The following SGO2 variants were observed in gnomAD, a reference collection of about 807,000 sequenced individuals.
SGO2 encodes shugoshin 2.
A neutral mutation model predicts 99.5 loss-of-function variants in SGO2; 68 were observed. The observed-to-expected ratio is 0.68, with a 90% CI of 0.56 to 0.84. The LOEUF (loss-of-function observed/expected upper bound fraction) is 0.84, where lower values mean the gene tolerates loss of function less well. Ranked by LOEUF, SGO2 falls within the 40% of genes least tolerant of loss-of-function variation. SGO2 has a pLI of 0.00. For synonymous variants in SGO2, 457 were observed against 487.1 expected (o/e 0.94, Z 0.81); for missense variants, 1,350 against 1,436.7 (o/e 0.94, Z 0.97).
chr2:200,526,837 T>C lies in SGO2; in HGVS notation c.-3+585T>C, dbSNP rs553477493. Among the ~76,000 whole-genome samples the C allele has an allele frequency of 1.1e-4, 16 of 152,256 alleles. No individual in the cohort carries two copies. In the South Asian group the frequency reaches 2.9e-3, roughly 28 times the overall value. ...GAACTGAGTATTTCGTATTTAGAGA[T>C]AGTCGAGATGCTGGCCGGACAAGTG... On this transcript the variant is annotated intron_variant, in intron 1 of 8. Coordinates refer to ENST00000357799, the MANE Select transcript of SGO2 (RefSeq NM_152524.6). This position sits in a 1 kb window ranked among gnomAD's most constrained non-coding sequence, Gnocchi z 4.8.
At chr2:200,546,378 AAAG>A (rs2032217312) in intron 5 of SGO2, among the ~76,000 whole-genome samples, 2 of 150,548 alleles carry the variant, frequency 1.3e-5, no homozygotes, top group Admixed American at 1.3e-4. Flanking sequence ...AAAAAAAAAA[AAAG>A]ATTTGCTAGG....
intron 5 of SGO2, among the ~76,000 whole-genome samples, chr2:200,559,387 C>T (rs1418539017): frequency 6.6e-6 from 1 of 151,866 alleles, no homozygotes; most frequent in Non-Finnish European, 1.5e-5. Flanking sequence ...TCATTTGGAG[C>T]TATGTTGTTG....
intron 5 of SGO2, among the ~76,000 whole-genome samples, chr2:200,557,172 G>A (rs1000807133): frequency 6.6e-6 from 1 of 152,152 alleles, no homozygotes; most frequent in East Asian, 1.9e-4. Flanking sequence ...AAATTTGTTC[G>A]TAGCCAAGAG....
chr2:200,563,709 G>C (rs531616399), intron 5 of SGO2, among the ~76,000 whole-genome samples: 18 of 152,076 alleles, frequency 1.2e-4, no homozygotes, highest in Non-Finnish European at 2.1e-4. Context: ...TGGTTGGTAG[G>C]CTATTAATTA....
chr2:200,546,256 G>C (rs1300473477), intron 5 of SGO2, among the ~76,000 whole-genome samples: 2 of 150,814 alleles, frequency 1.3e-5, no homozygotes, highest in African/African-American at 2.4e-5. Context: ...AGGAGGCTGA[G>C]GCAGGAGAAT....
chr2:200,557,347 T>C (rs1461804308), intron 5 of SGO2, among the ~76,000 whole-genome samples: 3 of 152,120 alleles, frequency 2.0e-5, no homozygotes, highest in Admixed American at 1.3e-4. Context: ...AAGTTGGGCC[T>C]CTAACCCAAT....
At chr2:200,535,239 G>A in intron 3 of SGO2, 68 bp downstream of exon 3, 1 of 1,314,480 alleles carries the variant, frequency 7.6e-7, no homozygotes, top group Non-Finnish European at 1.0e-6. Context: ...TATTATAGAA[G>A]CTTTAAAAAT....
At chr2:200,528,552 T>C (rs1574827450) in intron 1 of SGO2, among the ~76,000 whole-genome samples, 1 of 151,484 alleles carries the variant, frequency 6.6e-6, no homozygotes, top group East Asian at 1.9e-4. Flanking sequence ...GTGGGGGGAG[T>C]TTAGGACATG....
Position 200,569,761 on chromosome 2 carries a change from C to T in SGO2, c.572C>T (p.Ser191Leu). 1 of 1,612,834 alleles carries T rather than the reference C, an allele frequency of 6.2e-7. No homozygotes were observed. Among genetic ancestry groups the T allele is most frequent in the African/African-American group, 1.3e-5 (1 of 74,990 alleles). The change falls in exon 6 of 9, where the codon TCA (serine) becomes TTA (leucine). Residue 191 changes from serine (S) to leucine (L), a missense_variant. Coordinates refer to ENST00000357799, the MANE Select transcript of SGO2 (RefSeq NM_152524.6). ...AAGACATTACCTGATATTCCCTCTTCAGGATCAACAACACAACCTTTATCA... is the reference window on the plus strand; with the variant it reads ...AAGACATTACCTGATATTCCCTCTTTAGGATCAACAACACAACCTTTATCA... ...KSKTLPDIPS[S>L]GSTTQPLSTQ...
Position 200,572,145 on chromosome 2 carries a change from A to C in SGO2, c.1799A>C (p.Gln600Pro). ...LDLKKYVTDIQPSEQNESNIN... is the reference protein window; with the variant it reads ...LDLKKYVTDIPPSEQNESNIN... ...TTGAAAAAGTATGTCACTGATATTC[A>C]ACCCTCAGAGCAAAATGAATCAAAC... The change falls in exon 7 of 9, where the codon CAA (glutamine) becomes CCA (proline). Residue 600 changes from glutamine to proline, a missense_variant. By Grantham distance (76) the Gln-to-Pro change is moderately conservative. Coordinates refer to ENST00000357799, the MANE Select transcript of SGO2 (RefSeq NM_152524.6). The C allele has an allele frequency of 1.2e-6, 2 of 1,612,724 alleles. No homozygotes were observed. Among genetic ancestry groups the C allele is most frequent in the Non-Finnish European group, 1.7e-6 (2 of 1,179,422 alleles).
rs747104430 is a variant in SGO2, at chr2:200,575,388, G to A, written c.3709G>A (p.Asp1237Asn). 1.2e-6 allele frequency: 2 copies of A among 1,607,090 alleles called. No individual in the cohort carries two copies. The highest frequency in any genetic ancestry group is 2.2e-5 in the South Asian group (2 of 90,080). ...TGCTGAATCTGAAAATAAGTCAGAA[G>A]ATCTATCTTCAGAACGGACAAGCAG... ...NTAESENKSE[D>N]LSSERTSRRR... Residue 1237 changes from aspartate to asparagine, a missense_variant, in exon 8 of 9, where the codon GAT becomes AAT. Transcript: ENST00000357799.
intron 5 of SGO2, among the ~76,000 whole-genome samples, chr2:200,568,312 A>G (rs906060067): frequency 2.6e-5 from 4 of 152,024 alleles, no homozygotes; most frequent in Admixed American, 6.6e-5. Flanking sequence ...ATGTTTTTCT[A>G]TTGCTTCATA....
Position 200,573,675 on chromosome 2 carries a change from C to T in SGO2, c.3329C>T (p.Ser1110Phe). ...AGCGTTCAGGGAAAGTCTACTGTAT[C>T]TGAACAAGCTGATAAGGAAAACAAT... ...LDSVQGKSTV[S>F]EQADKENNLE... is the part of the protein sequence containing the mutation. Residue 1110 changes from serine to phenylalanine, a missense_variant, in exon 7 of 9, where the codon TCT (serine) becomes TTT (phenylalanine). Physicochemically the swap from Ser to Phe is radical, Grantham distance 155. Transcript: ENST00000357799. 6.2e-7 allele frequency: 1 copy of T among 1,613,294 alleles called. No individual in the cohort carries two copies. The highest frequency in any genetic ancestry group is 8.5e-7 in the Non-Finnish European group (1 of 1,179,516).
chr2:200,581,259 T>G (rs1335411113), intron 8 of SGO2, among the ~76,000 whole-genome samples: 1 of 152,156 alleles, frequency 6.6e-6, no homozygotes, highest in Non-Finnish European at 1.5e-5. Flanking sequence ...GATCTTCTGT[T>G]TCTTATTTTT....
chr2:200,553,188 C>T (rs138480719), intron 5 of SGO2, among the ~76,000 whole-genome samples: 3 of 152,060 alleles, frequency 2.0e-5, no homozygotes, highest in East Asian at 1.9e-4. Flanking sequence ...TGCACCATTT[C>T]GGAAAACATT....
Position 200,569,829 on chromosome 2 carries a change from C to A in SGO2, c.640C>A (p.Gln214Lys). The A allele has an allele frequency of 1.0e-5, 16 of 1,606,094 alleles. No individual in the cohort carries two copies. The highest frequency in any genetic ancestry group is 1.3e-5 in the Non-Finnish European group (15 of 1,173,014). The change falls in exon 6 of 9, where the codon CAA becomes AAA. Residue 214 changes from glutamine to lysine, a missense_variant. By Grantham distance (53) the Gln-to-Lys change is moderately conservative (BLOSUM62 1). Transcript: ENST00000357799. ...SEVLFLKENN[Q>K]NVYGLDDSEH... ...AGTGTTATTTCTTAAAGAAAATAAT[C>A]AAAATGTATATGGTTTAGATGATTC...
chr2:200,577,843 C>T (rs997989273), intron 8 of SGO2, among the ~76,000 whole-genome samples: 1 of 152,120 alleles, frequency 6.6e-6, no homozygotes, highest in Non-Finnish European at 1.5e-5. Context: ...TGCCTCATTT[C>T]AAGGCTTCAT....
At chr2:200,532,764 C>T (rs552536130) in intron 1 of SGO2, among the ~76,000 whole-genome samples, 1 of 152,128 alleles carries the variant, frequency 6.6e-6, no homozygotes, top group Admixed American at 6.5e-5. Flanking sequence ...TTAATGTAGG[C>T]TTAAATGAAA....
chr2:200,571,324 A>G lies in SGO2; in HGVS notation c.978A>G (p.Lys326=). The G allele has an allele frequency of 6.2e-7, 1 of 1,613,056 alleles. No individual in the cohort carries two copies. The change falls in exon 7 of 9, where the codon AAA becomes AAG. Residue 326 remains lysine, a synonymous_variant. Transcript: ENST00000357799. ...NETNTEMQRN[K]QDLPGLSSES... ...CAAATACTGAAATGCAAAGAAATAA[A>G]CAGGATCTTCCTGGCTTATCTTCTG...
Sources: gnomAD v4.1 joint callset for allele counts (sites outside exome capture counted in the v4.1 genomes callset) on GRCh38, gnomAD v4.1.1 for gene constraint, Gnocchi (gnomAD v3.1) non-coding constraint, MANE v1.5 for transcripts, NCBI Gene and HGNC (gene_info 2026-07-23, HGNC 2026-07-21) for gene names.